Variants in PRKCE observed in about 807,000 individuals in gnomAD.
PRKCE encodes the protein protein kinase C epsilon type.
A neutral mutation model predicts 85.4 loss-of-function variants in PRKCE; 16 were observed. The ratio of observed to expected loss-of-function variants is 0.19; its 90% CI spans 0.13 to 0.28. The LOEUF is 0.28. PRKCE is among the 10% of genes least tolerant of loss of function. PRKCE has a pLI of 1.00. For synonymous variants in PRKCE, 388 were observed against 371.5 expected (o/e 1.04, Z -0.51); for missense variants, 573 against 975.2 (o/e 0.59, Z 5.49).
At chr2:46,057,734 T>G (rs1246962905) in intron 10 of PRKCE, among the ~76,000 whole-genome samples, 3 of 152,066 alleles carry the variant, frequency 2.0e-5, no homozygotes, top group Non-Finnish European at 4.4e-5. Flanking sequence ...GACCTTGTAT[T>G]TTTGTTTGTT....
At chr2:45,695,677 G>T (rs886657519) in intron 1 of PRKCE, among the ~76,000 whole-genome samples, 2 of 152,198 alleles carry the variant, frequency 1.3e-5, no homozygotes, top group African/African-American at 4.8e-5. Context: ...GGAGGCTGAG[G>T]CAGGAGAATT....
chr2:46,008,988 G>A (rs1705435404), intron 9 of PRKCE, among the ~76,000 whole-genome samples: 1 of 152,240 alleles, frequency 6.6e-6, no homozygotes, highest in Admixed American at 6.5e-5. Flanking sequence ...CCCTCATTAA[G>A]TTTCTGATGG....
intron 1 of PRKCE, among the ~76,000 whole-genome samples, chr2:45,839,326 C>A (rs574550418): frequency 6.6e-6 from 1 of 152,062 alleles, no homozygotes; most frequent in East Asian, 1.9e-4. Context: ...GTGTTTGTCT[C>A]CCCCAGTTTG....
intron 1 of PRKCE, among the ~76,000 whole-genome samples, chr2:45,772,763 G>A (rs1685443211): frequency 6.6e-6 from 1 of 152,168 alleles, no homozygotes; most frequent in Admixed American, 6.5e-5. Flanking sequence ...GCATGGGGAA[G>A]GTGGTCAGGG....
Position 45,805,511 on chromosome 2 carries a change from C to T in PRKCE, c.349-37489C>T, listed in dbSNP as rs193060988. On this transcript the variant is annotated intron_variant, in intron 1 of 14. Transcript: ENST00000306156. ...TCCCAGAGGACAGGTGTGGGTCCTA[C>T]AGTGCACACCCTGGGAATTAAAGAT... 5.5e-4 allele frequency among the ~76,000 whole-genome samples: 84 copies of T among 152,238 alleles called. 2 individuals are homozygous for T. The highest frequency in any genetic ancestry group is 1.9e-3 in the African/African-American group (78 of 41,532).
intron 2 of PRKCE, among the ~76,000 whole-genome samples, chr2:45,935,353 C>A (rs565543747): frequency 2.6e-5 from 4 of 152,136 alleles, no homozygotes; most frequent in Admixed American, 2.0e-4. Context: ...AGAAAATAAA[C>A]CCCCTCCTCT....
intron 1 of PRKCE, among the ~76,000 whole-genome samples, chr2:45,842,418 A>G (rs1203646675): frequency 6.6e-6 from 1 of 152,182 alleles, no homozygotes; most frequent in Non-Finnish European, 1.5e-5. Context: ...TAAACGCCAT[A>G]AAAGCAGGAG....
intron 1 of PRKCE, among the ~76,000 whole-genome samples, chr2:45,764,949 GTC>G (rs1412972255): frequency 6.6e-6 from 1 of 152,040 alleles, no homozygotes; most frequent in Admixed American, 6.5e-5. Flanking sequence ...CATCTCTCAG[GTC>G]TCTCCTTGAC....
chr2:45,908,096 G>T (rs1697117159), intron 2 of PRKCE, among the ~76,000 whole-genome samples: 1 of 152,146 alleles, frequency 6.6e-6, no homozygotes, highest in Non-Finnish European at 1.5e-5. Context: ...TGGAAGTCAA[G>T]ACTCCAGGCC....
chr2:46,136,331 G>A (rs1049654694), intron 11 of PRKCE, among the ~76,000 whole-genome samples: 8 of 152,200 alleles, frequency 5.3e-5, no homozygotes, highest in African/African-American at 1.2e-4. Flanking sequence ...GGCCTCACGC[G>A]TGCTAACGCT....
At chr2:45,973,019 G>A (rs561495062) in intron 2 of PRKCE, among the ~76,000 whole-genome samples, 11 of 152,326 alleles carry the variant, frequency 7.2e-5, no homozygotes, top group African/African-American at 2.6e-4. Flanking sequence ...CAAAAATTCA[G>A]CAATTAAAAC....
intron 14 of PRKCE, among the ~76,000 whole-genome samples, chr2:46,176,260 C>G (rs1012848327): frequency 2.6e-5 from 4 of 152,090 alleles, no homozygotes; most frequent in African/African-American, 9.7e-5. Flanking sequence ...ATGCCCAGAC[C>G]AGATCCCAAA....
intron 2 of PRKCE, among the ~76,000 whole-genome samples, chr2:45,884,612 G>C (rs1695107941): frequency 6.6e-6 from 1 of 152,130 alleles, no homozygotes; most frequent in Non-Finnish European, 1.5e-5. Context: ...AAGGAATTTT[G>C]CAGCTGCAAA....
At chr2:45,934,887 TA>T (rs1158421377) in intron 2 of PRKCE, among the ~76,000 whole-genome samples, 1 of 74,110 alleles carries the variant, frequency 1.3e-5, no homozygotes. Flanking sequence ...ACCATGTCTC[TA>T]CAAAAAAAAA....
At chr2:45,915,499 C>A (rs1021186147) in intron 2 of PRKCE, among the ~76,000 whole-genome samples, 1 of 152,142 alleles carries the variant, frequency 6.6e-6, no homozygotes, top group African/African-American at 2.4e-5. Context: ...AGAATTCAGC[C>A]TCCTTATCTT....
At chr2:45,854,999 CCAT>C (rs1692563675) in intron 2 of PRKCE, among the ~76,000 whole-genome samples, 2 of 152,170 alleles carry the variant, frequency 1.3e-5, no homozygotes, top group South Asian at 4.1e-4. Context: ...AGGGAGCTCT[CCAT>C]CTCTGGAGGT....
At chr2:45,693,644 A>C (rs1677915774) in intron 1 of PRKCE, among the ~76,000 whole-genome samples, 2 of 152,172 alleles carry the variant, frequency 1.3e-5, no homozygotes, top group South Asian at 2.1e-4. Flanking sequence ...GTTCTCTCTG[A>C]GAGGCTGGTC....
At chr2:46,174,249 C>T (rs1679201606) in intron 14 of PRKCE, among the ~76,000 whole-genome samples, 1 of 152,188 alleles carries the variant, frequency 6.6e-6, no homozygotes, top group South Asian at 2.1e-4. Context: ...TTCCGTTGGG[C>T]TGGGGAATGG....
chr2:45,676,310 A>C (rs1295686963), intron 1 of PRKCE: 1 of 152,240 alleles, frequency 6.6e-6, no homozygotes, highest in African/African-American at 2.4e-5. Context: ...TATTTGCCTC[A>C]TAATGCAAGT....
Sources: gnomAD v4.1 joint callset for allele counts (sites outside exome capture counted in the v4.1 genomes callset) on GRCh38, gnomAD v4.1.1 for gene constraint, MANE v1.5 for transcripts, NCBI Gene and HGNC (gene_info 2026-07-23, HGNC 2026-07-21) for gene names.